The following SRGAP1 variants were observed in gnomAD, a reference collection of about 807,000 sequenced individuals.
SRGAP1 encodes SLIT-ROBO Rho GTPase activating protein 1.
Under a neutral mutation model 121.9 loss-of-function variants are expected in SRGAP1, and 43 were observed. The observed-to-expected ratio is 0.35, with a 90% CI of 0.28 to 0.46. SRGAP1 has a LOEUF of 0.46. SRGAP1 is among the 20% of genes least tolerant of loss of function. The pLI, the probability that SRGAP1 is intolerant of heterozygous loss-of-function variation, is 1.00. For missense variants in SRGAP1, 1,102 were observed against 1,350.9 expected (o/e 0.82, Z 2.89); for synonymous variants, 447 against 485.4 (o/e 0.92, Z 1.04).
chr12:64,142,224 T>C (rs1347037840), intron 21 of SRGAP1, 71 bp from the exon 22 acceptor site: 3 of 1,512,268 alleles, frequency 2.0e-6, no homozygotes, highest in Non-Finnish European at 2.7e-6. Context: ...TGAAATTAAG[T>C]GTCTGGGTTT....
At chr12:64,113,800 G>A (rs1029610817) in intron 17 of SRGAP1, among the ~76,000 whole-genome samples, 1 of 152,170 alleles carries the variant, frequency 6.6e-6, no homozygotes, top group Non-Finnish European at 1.5e-5. Context: ...GTAAATCAAA[G>A]TTAGGTGTGT....
intron 21 of SRGAP1, among the ~76,000 whole-genome samples, chr12:64,141,815 G>A (rs767079272): frequency 2.0e-5 from 3 of 151,932 alleles, no homozygotes; most frequent in African/African-American, 2.4e-5. Context: ...GCCAGCTGTG[G>A]TAGCACACAC....
chr12:64,048,415 C>G (rs946571669), intron 6 of SRGAP1, among the ~76,000 whole-genome samples: 1 of 152,146 alleles, frequency 6.6e-6, no homozygotes, highest in Non-Finnish European at 1.5e-5. Flanking sequence ...ATGGGCACTT[C>G]AGTTGCTTCC....
intron 1 of SRGAP1, among the ~76,000 whole-genome samples, chr12:63,910,137 G>A (rs2030425625): frequency 6.6e-6 from 1 of 152,088 alleles, no homozygotes; most frequent in Admixed American, 6.6e-5. Context: ...TTACTCCAGG[G>A]GATCAAATGC....
intron 1 of SRGAP1, among the ~76,000 whole-genome samples, chr12:63,953,035 G>A (rs915456452): frequency 2.6e-5 from 4 of 152,184 alleles, no homozygotes; most frequent in Non-Finnish European, 4.4e-5. Context: ...CCATTTTGCT[G>A]GAGAAAGACA....
At chr12:64,084,483 C>G (rs2035904203) in intron 10 of SRGAP1, among the ~76,000 whole-genome samples, 1 of 152,082 alleles carries the variant, frequency 6.6e-6, no homozygotes, top group African/African-American at 2.4e-5. Context: ...TGTTATTGAT[C>G]TATTAATGAT....
Position 64,126,016 on chromosome 12 carries a change from T to G in SRGAP1, c.2264T>G (p.Val755Gly). The change falls in exon 19 of 22, where the codon GTT becomes GGT. Residue 755 changes from valine (V) to glycine (G), a missense_variant. Physicochemically the swap from Val to Gly is moderately radical, Grantham distance 109. Around this residue, in one of 3 missense-constraint regions of SRGAP1, gnomAD observed 747 missense variants for 929.4 expected, o/e 0.80. Coordinates refer to ENST00000355086, the MANE Select transcript of SRGAP1 (RefSeq NM_020762.4). ...PIEAIAKFDY[V>G]GRSARELSFK... ...GAAGCAATAGCCAAGTTTGACTATG[T>G]TGGGCGGTCTGCCAGAGAACTATCC... is the stretch of plus-strand genomic sequence containing the variant. The G allele has an allele frequency of 1.2e-6, 2 of 1,614,142 alleles. No homozygotes were observed. The highest frequency in any genetic ancestry group is 1.7e-6 in the Non-Finnish European group (2 of 1,180,000).
intron 1 of SRGAP1, among the ~76,000 whole-genome samples, chr12:63,974,587 G>T (rs1422091132): frequency 6.6e-6 from 1 of 151,736 alleles, no homozygotes; most frequent in Non-Finnish European, 1.5e-5. Flanking sequence ...TTATAATTCT[G>T]TTACCCCTTA....
intron 1 of SRGAP1, among the ~76,000 whole-genome samples, chr12:63,938,476 A>C (rs1592962532): frequency 6.6e-6 from 1 of 151,950 alleles, no homozygotes. Flanking sequence ...TTTGAGAAAG[A>C]CCCCTTACCT....
intron 1 of SRGAP1, among the ~76,000 whole-genome samples, chr12:63,853,699 A>C (rs777404792): frequency 7.2e-5 from 11 of 152,216 alleles, no homozygotes; most frequent in Non-Finnish European, 1.3e-4. Flanking sequence ...AATGCACGGG[A>C]GGAGGAATTT....
intron 3 of SRGAP1, among the ~76,000 whole-genome samples, chr12:63,999,230 C>T (rs1309593432): frequency 6.6e-6 from 1 of 152,016 alleles, no homozygotes; most frequent in Non-Finnish European, 1.5e-5. Context: ...TGGGAGAGGG[C>T]AGATGGCAAG....
intron 1 of SRGAP1, among the ~76,000 whole-genome samples, chr12:63,929,209 A>G (rs2031372300): frequency 6.6e-6 from 1 of 152,198 alleles, no homozygotes; most frequent in African/African-American, 2.4e-5. Flanking sequence ...GGAGCCTGGA[A>G]TTTGGAGCCA....
intron 3 of SRGAP1, among the ~76,000 whole-genome samples, chr12:64,004,216 A>G (rs2034003804): frequency 6.6e-6 from 1 of 152,204 alleles, no homozygotes; most frequent in Non-Finnish European, 1.5e-5. Context: ...TCCAAATTCA[A>G]TAAACAAACA....
At chr12:64,084,828 T>C (rs2035910312) in intron 10 of SRGAP1, among the ~76,000 whole-genome samples, 1 of 152,126 alleles carries the variant, frequency 6.6e-6, no homozygotes, top group East Asian at 1.9e-4. Context: ...GGCATCATTA[T>C]TGAATCACTT....
At chr12:63,928,227 A>C (rs1322604843) in intron 1 of SRGAP1, among the ~76,000 whole-genome samples, 5 of 152,188 alleles carry the variant, frequency 3.3e-5, no homozygotes, top group African/African-American at 1.2e-4. Flanking sequence ...TGCTGATGGG[A>C]GTATAAAATG....
intron 5 of SRGAP1, 51 bp downstream of exon 5, chr12:64,043,023 C>A: frequency 7.9e-7 from 1 of 1,262,726 alleles, no homozygotes; most frequent in Non-Finnish European, 1.1e-6. Flanking sequence ...GGAGACAATA[C>A]TAAGAACACT....
At chr12:64,052,133 T>C (rs568431614) in intron 6 of SRGAP1, among the ~76,000 whole-genome samples, 76 of 152,316 alleles carry the variant, frequency 5.0e-4, no homozygotes, top group Non-Finnish European at 9.0e-4. Context: ...AATATTTGAA[T>C]GTAGTATACC....
At chr12:63,919,521 T>TATATATATATATAC (rs1491241907) in intron 1 of SRGAP1, among the ~76,000 whole-genome samples, 24 of 139,120 alleles carry the variant, frequency 1.7e-4, no homozygotes, top group African/African-American at 6.4e-4. Context: ...TATATATATA[T>TATATATATATATAC]ACACATACAC....
At chr12:64,039,370 A>G (rs1454618776) in intron 4 of SRGAP1, among the ~76,000 whole-genome samples, 1 of 152,188 alleles carries the variant, frequency 6.6e-6, no homozygotes, top group Non-Finnish European at 1.5e-5. Context: ...CTAGTCAGTA[A>G]GGAACACCCT....
Sources: allele counts gnomAD v4.1 joint callset (sites outside exome capture counted in the v4.1 genomes callset), GRCh38; gene constraint gnomAD v4.1.1; regional missense constraint gnomAD v4.1.1; transcripts MANE v1.5; gene names NCBI Gene and HGNC (gene_info 2026-07-23, HGNC 2026-07-21).